Variants in NALF1 observed in about 807,000 individuals in gnomAD.
The protein encoded by NALF1 is family with sequence similarity 155 member A.
In NALF1, 3 loss-of-function variants were observed where a neutral mutation model predicts 48.4. That is an observed-to-expected ratio of 0.06 (90% CI 0.03 to 0.16). NALF1 has a LOEUF of 0.16. Among genes scored for constraint, NALF1 ranks in the 10% least tolerant of loss-of-function variants. NALF1 has a pLI of 1.00. For missense variants in NALF1, 526 were observed against 571.5 expected (o/e 0.92, Z 0.81); for synonymous variants, 262 against 245.7 (o/e 1.07, Z -0.62).
intron 1 of NALF1, among the ~76,000 whole-genome samples, chr13:107,685,895 T>C (rs890637544): frequency 6.6e-6 from 1 of 152,232 alleles, no homozygotes; most frequent in African/African-American, 2.4e-5. Flanking sequence ...TGTTCCGTGG[T>C]GTGTATGTTG....
rs868132587 is a variant in NALF1, at chr13:107,288,312, C to T, written c.916-77557G>A. On this transcript the variant is annotated intron_variant, in intron 1 of 2. Coordinates refer to ENST00000375915, the MANE Select transcript of NALF1 (RefSeq NM_001080396.3). ...TCGGCTCACTGCAAGCTCCGCCTCC[C>T]GGGTTCACGCCATTCTCCTGCCTCA... Among the ~76,000 whole-genome samples, 987 of 150,010 alleles carry T rather than the reference C, an allele frequency of 6.6e-3. 9 individuals carry two copies. Among genetic ancestry groups the T allele is most frequent in the African/African-American group, 0.023 (926 of 40,872 alleles).
intron 1 of NALF1, among the ~76,000 whole-genome samples, chr13:107,316,931 C>G (rs928348916): frequency 3.9e-5 from 6 of 151,952 alleles, no homozygotes; most frequent in Admixed American, 2.6e-4. Flanking sequence ...GTCATCATTG[C>G]AATGAACACA....
intron 1 of NALF1, among the ~76,000 whole-genome samples, chr13:107,234,745 A>C (rs763598513): frequency 1.1e-4 from 17 of 152,154 alleles, no homozygotes; most frequent in Non-Finnish European, 2.4e-4. Flanking sequence ...AACCAAGAGC[A>C]TTTTCAGCTC....
At chr13:107,615,832 G>A (rs1356483718) in intron 1 of NALF1, among the ~76,000 whole-genome samples, 1 of 152,160 alleles carries the variant, frequency 6.6e-6, no homozygotes, top group Non-Finnish European at 1.5e-5. Flanking sequence ...GCAGCAATAT[G>A]GTATCTGCTT....
chr13:107,170,540 C>A lies in NALF1; in HGVS notation c.1334G>T (p.Gly445Val). The change falls in exon 3 of 3, where the codon GGA becomes GTA. Residue 445 changes from glycine (G) to valine (V), a missense_variant. Physicochemically the swap from Gly to Val is moderately radical, Grantham distance 109. Coordinates refer to ENST00000375915, the MANE Select transcript of NALF1 (RefSeq NM_001080396.3). ...GTTTTCTTCCAGCGTGTTGATGCCT[C>A]CAAAGCTCAGTCCGGCTGTGTTCTG... ...AAQNTAGLSFGGINTLEENST... is the reference protein window; with the variant it reads ...AAQNTAGLSFVGINTLEENST... 1 of 1,612,444 alleles carries A rather than the reference C, an allele frequency of 6.2e-7. No homozygotes were observed. Among genetic ancestry groups the A allele is most frequent in the Non-Finnish European group, 8.5e-7 (1 of 1,178,886 alleles).
intron 1 of NALF1, among the ~76,000 whole-genome samples, chr13:107,291,270 G>A (rs1881615059): frequency 1.3e-5 from 2 of 151,686 alleles, no homozygotes; most frequent in South Asian, 4.2e-4. Context: ...GTGTTTCCTG[G>A]TTCATGTGTT....
chr13:107,494,191 G>A (rs1345878106), intron 1 of NALF1, among the ~76,000 whole-genome samples: 1 of 151,932 alleles, frequency 6.6e-6, no homozygotes, highest in Non-Finnish European at 1.5e-5. Context: ...TTGCCATGCT[G>A]AAACCGGTAG....
In NALF1 at chr13:107,456,992, G is replaced by A. The variant is rs1407717103; in HGVS notation, c.916-246237C>T. On this transcript the variant is annotated intron_variant, in intron 1 of 2. Coordinates refer to ENST00000375915, the MANE Select transcript of NALF1 (RefSeq NM_001080396.3). ...TTATTAAAGCTCATGGGCTTTAAAT[G>A]ATGACATTCATATGGCATCTGTTGA... Among the ~76,000 whole-genome samples, 4 of 152,074 alleles carry A rather than the reference G, an allele frequency of 2.6e-5. No homozygotes were observed. In the East Asian group the frequency reaches 7.7e-4, roughly 29 times the overall value.
chr13:107,381,005 C>T (rs1324766959), intron 1 of NALF1, among the ~76,000 whole-genome samples: 5 of 147,046 alleles, frequency 3.4e-5, no homozygotes, highest in Non-Finnish European at 6.0e-5. Context: ...AGAATACATA[C>T]ATTTTAGTAG....
At chr13:107,191,898 T>G (rs1453655786) in intron 2 of NALF1, among the ~76,000 whole-genome samples, 1 of 147,438 alleles carries the variant, frequency 6.8e-6, no homozygotes, top group African/African-American at 2.5e-5. Flanking sequence ...GCCAGGCTGG[T>G]CTTGAACTCC....
At chr13:107,605,366 A>G (rs1484320453) in intron 1 of NALF1, among the ~76,000 whole-genome samples, 1 of 152,176 alleles carries the variant, frequency 6.6e-6, no homozygotes, top group Non-Finnish European at 1.5e-5. Context: ...CGTCATAACC[A>G]ACTGTTCCTA....
At chr13:107,381,204 GTT>G (rs556942495) in intron 1 of NALF1, among the ~76,000 whole-genome samples, 2,727 of 139,160 alleles carry the variant, frequency 0.02, 37 homozygotes, top group South Asian at 0.057. Flanking sequence ...AAAAAATAGA[GTT>G]TTTTTTTTTT....
chr13:107,804,537 G>A (rs1351297661), intron 1 of NALF1, among the ~76,000 whole-genome samples: 1 of 152,056 alleles, frequency 6.6e-6, no homozygotes, highest in Non-Finnish European at 1.5e-5. Context: ...CTGAAGACAG[G>A]GACAACATCC....
intron 1 of NALF1, among the ~76,000 whole-genome samples, chr13:107,658,165 T>C (rs1880633597): frequency 6.6e-6 from 1 of 152,120 alleles, no homozygotes; most frequent in South Asian, 2.1e-4. Flanking sequence ...GAATTTCTTT[T>C]TTTATTTCCT....
chr13:107,790,626 T>C (rs1418075256), intron 1 of NALF1, among the ~76,000 whole-genome samples: 1 of 152,192 alleles, frequency 6.6e-6, no homozygotes, highest in Non-Finnish European at 1.5e-5. Context: ...ATGTGTCTAT[T>C]GCATAGTTAT....
intron 1 of NALF1, among the ~76,000 whole-genome samples, chr13:107,681,940 C>T (rs1323897696): frequency 6.6e-6 from 1 of 152,200 alleles, no homozygotes; most frequent in Non-Finnish European, 1.5e-5. Flanking sequence ...GCTCTTCTCA[C>T]TATCTGTCCC....
At position 107,492,029 on chromosome 13, in the gene NALF1, TG is replaced by T. The variant is rs1354457093; in HGVS notation, c.916-281275del. ...CGTGTTTCATTTTTACAAGCCTGTC[TG>T]GGTTTTTTTTTGTTTTTTTTTTTTT... On this transcript the variant is annotated intron_variant, in intron 1 of 2. Coordinates refer to ENST00000375915, the MANE Select transcript of NALF1 (RefSeq NM_001080396.3). Among the ~76,000 whole-genome samples the T allele has an allele frequency of 4.9e-4, 71 of 144,022 alleles. No homozygotes were observed. The East Asian group carries it at 0.014, about 29-fold the overall frequency. 94.5% of individuals were successfully genotyped at this position (144,022 alleles called of 152,430 possible). A position where few individuals can be genotyped will look rare whatever the true frequency, so the allele number is the denominator to read the frequency against.
chr13:107,754,559 T>G (rs1402027245), intron 1 of NALF1, among the ~76,000 whole-genome samples: 3 of 152,134 alleles, frequency 2.0e-5, no homozygotes, highest in Admixed American at 2.0e-4. Context: ...GGTTTTTTTT[T>G]TCTTTAAAAA....
chr13:107,847,053 T>A (rs1880190039), intron 1 of NALF1, among the ~76,000 whole-genome samples: 1 of 152,122 alleles, frequency 6.6e-6, no homozygotes, highest in Admixed American at 6.5e-5. Flanking sequence ...TAAAAAAAAT[T>A]AAAGGCAAAC....
Sources: gnomAD v4.1 joint callset for allele counts (sites outside exome capture counted in the v4.1 genomes callset) on GRCh38, gnomAD v4.1.1 for gene constraint, MANE v1.5 for transcripts, NCBI Gene and HGNC (gene_info 2026-07-23, HGNC 2026-07-21) for gene names.